The following SYT1 variants were observed in gnomAD, a reference collection of about 807,000 sequenced individuals.
The protein encoded by SYT1 is synaptotagmin 1, also known as synaptotagmin-1.
SYT1 carries 8 observed loss-of-function variants against 44.8 expected under a neutral mutation model. The ratio of observed to expected loss-of-function variants is 0.18; its 90% CI spans 0.10 to 0.32. The LOEUF (loss-of-function observed/expected upper bound fraction) is 0.32. Among genes scored for constraint, SYT1 ranks in the 10% least tolerant of loss-of-function variants. The pLI is 1.00. For synonymous variants in SYT1, 154 were observed against 188.8 expected (o/e 0.82, Z 1.51); for missense variants, 286 against 509.3 (o/e 0.56, Z 4.22).
intron 9 of SYT1, among the ~76,000 whole-genome samples, chr12:79,417,266 G>C (rs1355892036): frequency 6.6e-6 from 1 of 152,102 alleles, no homozygotes; most frequent in East Asian, 1.9e-4. Context: ...TGCTTAGGTG[G>C]CCAGGTGGTT....
chr12:79,406,663 G>A (rs2067227331), intron 9 of SYT1, among the ~76,000 whole-genome samples: 1 of 152,094 alleles, frequency 6.6e-6, no homozygotes, highest in Non-Finnish European at 1.5e-5. Context: ...AATTAGCACA[G>A]GCTTAGAGTC....
At chr12:79,143,877 G>A (rs61927284) in intron 3 of SYT1, among the ~76,000 whole-genome samples, 14,233 of 152,156 alleles carry the variant, frequency 0.094, 864 homozygotes, top group African/African-American at 0.17. Context: ...TTCTAAAGCC[G>A]AAAGAAAGAA....
At chr12:79,083,969 G>T (rs183248849) in intron 3 of SYT1, among the ~76,000 whole-genome samples, 1 of 152,170 alleles carries the variant, frequency 6.6e-6, no homozygotes, top group Admixed American at 6.5e-5. Context: ...CTCCTAACAA[G>T]AACTAAAACA....
chr12:79,318,529 C>T (rs1034338304), intron 8 of SYT1, among the ~76,000 whole-genome samples: 4 of 152,112 alleles, frequency 2.6e-5, no homozygotes, highest in African/African-American at 7.2e-5. Context: ...ATGAGTGAAG[C>T]GAAAGGCCCC....
intron 9 of SYT1, among the ~76,000 whole-genome samples, chr12:79,362,226 ATT>A (rs1386166447): frequency 5.3e-5 from 8 of 152,184 alleles, no homozygotes; most frequent in African/African-American, 1.2e-4. Flanking sequence ...TCAGTGGTAA[ATT>A]TAAAAAATCT....
At chr12:79,424,107 A>G (rs181091736) in intron 9 of SYT1, among the ~76,000 whole-genome samples, 1 of 152,188 alleles carries the variant, frequency 6.6e-6, no homozygotes. Flanking sequence ...TAAATGCTGT[A>G]CGTATAAGGG....
At chr12:79,084,032 CA>C (rs1254236749) in intron 3 of SYT1, among the ~76,000 whole-genome samples, 1 of 152,078 alleles carries the variant, frequency 6.6e-6, no homozygotes, top group Non-Finnish European at 1.5e-5. Context: ...CACAGAAGTG[CA>C]TATGTATAGA....
chr12:79,111,164 G>A (rs184668293), intron 3 of SYT1, among the ~76,000 whole-genome samples: 36 of 152,208 alleles, frequency 2.4e-4, no homozygotes, highest in African/African-American at 8.4e-4. Flanking sequence ...ATATGTCAGC[G>A]TGATCTAGCG....
chr12:79,056,099 A>T lies in SYT1; in HGVS notation c.-18+8737A>T, dbSNP rs117085793. 2.6e-3 allele frequency among the ~76,000 whole-genome samples: 391 copies of T among 152,192 alleles called. 9 individuals are homozygous for T. The East Asian group carries it at 0.063, about 24-fold the overall frequency. ...ACAGCCTAGGTGTGAGGTAGACTGT[A>T]CCATCTAGGTTAGTATAAGTACATG... On this transcript the variant is annotated intron_variant, in intron 3 of 10. Transcript: ENST00000261205.
At chr12:79,431,632 C>T (rs1282556452) in intron 9 of SYT1, among the ~76,000 whole-genome samples, 1 of 151,862 alleles carries the variant, frequency 6.6e-6, no homozygotes, top group Non-Finnish European at 1.5e-5. Context: ...CAACCTCTGC[C>T]TCCTGGGTTC....
chr12:79,179,185 TATAG>T (rs1282699968), intron 3 of SYT1, among the ~76,000 whole-genome samples: 1 of 48,730 alleles, frequency 2.1e-5, no homozygotes, highest in African/African-American at 7.8e-5. Context: ...GATATATAGA[TATAG>T]ATATAGATAT....
chr12:79,038,350 G>A (rs529384494), intron 2 of SYT1, among the ~76,000 whole-genome samples: 1 of 151,340 alleles, frequency 6.6e-6, no homozygotes, highest in African/African-American at 2.4e-5. Context: ...TCCTAATAAT[G>A]TTCTTAACAG....
At chr12:78,888,492 T>C (rs185552686) in intron 1 of SYT1, among the ~76,000 whole-genome samples, 1 of 152,112 alleles carries the variant, frequency 6.6e-6, no homozygotes, top group African/African-American at 2.4e-5. Flanking sequence ...TAAATGTTCC[T>C]TATTATAGTC....
At chr12:78,880,869 A>T (rs1874415745) in intron 1 of SYT1, among the ~76,000 whole-genome samples, 1 of 151,698 alleles carries the variant, frequency 6.6e-6, no homozygotes, top group Admixed American at 6.6e-5. Flanking sequence ...TTTTCAGCTT[A>T]GCTATTTTCT....
chr12:79,128,631 T>G (rs1385136595), intron 3 of SYT1, among the ~76,000 whole-genome samples: 1 of 152,240 alleles, frequency 6.6e-6, no homozygotes, highest in Non-Finnish European at 1.5e-5. Context: ...AACATGCCCC[T>G]GCAAAATTTG....
At chr12:79,069,762 A>AT (rs1876137240) in intron 3 of SYT1, among the ~76,000 whole-genome samples, 1 of 152,090 alleles carries the variant, frequency 6.6e-6, no homozygotes, top group Admixed American at 6.6e-5. Flanking sequence ...CTTGGCAAAC[A>AT]TAACTGTTGT....
intron 9 of SYT1, among the ~76,000 whole-genome samples, chr12:79,408,971 A>G (rs2136129429): frequency 6.6e-6 from 1 of 151,454 alleles, no homozygotes; most frequent in South Asian, 2.1e-4. Flanking sequence ...CTCCTTTAAA[A>G]CTCAAGAAAT....
chr12:79,268,439 A>G (rs1057388815), intron 4 of SYT1, among the ~76,000 whole-genome samples: 5 of 152,228 alleles, frequency 3.3e-5, no homozygotes, highest in Non-Finnish European at 4.4e-5. Context: ...TATTTCATAT[A>G]TGTTAGTCAA....
chr12:79,186,829 T>C (rs1872828193), intron 3 of SYT1, among the ~76,000 whole-genome samples: 1 of 152,072 alleles, frequency 6.6e-6, no homozygotes. Flanking sequence ...TCATGTTTTT[T>C]TCAATCTGTG....
Sources: gnomAD v4.1 joint callset for allele counts (sites outside exome capture counted in the v4.1 genomes callset) on GRCh38, gnomAD v4.1.1 for gene constraint, MANE v1.5 for transcripts, NCBI Gene and HGNC (gene_info 2026-07-23, HGNC 2026-07-21) for gene names.